The following TAF4 variants were observed in gnomAD, a reference collection of about 807,000 sequenced individuals.
TAF4 encodes transcription initiation factor TFIID subunit 4.
TAF4 carries 9 observed loss-of-function variants against 90.3 expected under a neutral mutation model. That is an observed-to-expected ratio of 0.10 (90% CI 0.06 to 0.17). The LOEUF (loss-of-function observed/expected upper bound fraction) is 0.17, where lower values mean the gene tolerates loss of function less well. Ranked by LOEUF, TAF4 falls within the 10% of genes least tolerant of loss-of-function variation. TAF4 has a pLI of 1.00. For missense variants in TAF4, 1,351 were observed against 1,370.7 expected (o/e 0.99, Z 0.23); for synonymous variants, 818 against 638.9 (o/e 1.28, Z -4.23).
chr20:61,987,015 G>T (rs1170914433), intron 14 of TAF4, among the ~76,000 whole-genome samples: 1 of 152,194 alleles, frequency 6.6e-6, no homozygotes, highest in Non-Finnish European at 1.5e-5. Context: ...TAATTACACA[G>T]AGAAAAAGAG....
At chr20:62,031,199 A>T (rs2055902354) in intron 1 of TAF4, among the ~76,000 whole-genome samples, 1 of 151,864 alleles carries the variant, frequency 6.6e-6, no homozygotes, top group South Asian at 2.1e-4. Context: ...GACTTCACTG[A>T]CTCCCTCTTT....
At chr20:62,023,684 G>C (rs1269193651) in intron 1 of TAF4, among the ~76,000 whole-genome samples, 1 of 142,894 alleles carries the variant, frequency 7.0e-6, no homozygotes, top group Non-Finnish European at 1.5e-5. Flanking sequence ...GGAGGTGGAG[G>C]TTGCAGTGAG....
intron 1 of TAF4, among the ~76,000 whole-genome samples, chr20:62,051,481 C>A (rs530315254): frequency 2.6e-4 from 39 of 152,292 alleles, no homozygotes; most frequent in Admixed American, 8.5e-4. Flanking sequence ...CCAGGCTGCA[C>A]GTGCAGAGGG....
intron 14 of TAF4, among the ~76,000 whole-genome samples, chr20:61,981,919 G>A (rs867800071): frequency 1.4e-5 from 2 of 141,682 alleles, no homozygotes; most frequent in African/African-American, 2.7e-5. Context: ...CACCCCACCC[G>A]ATAGGAGACA....
rs910346324 is a variant in TAF4 at position 62,065,311 on chromosome 20, G to A, written c.500C>T (p.Ala167Val). Reference sequence around the variant, plus strand: ...CCCGGGGCCGGGGCCGGCGCGGGCGGCCAGCGCGGCGGGGCCGGCGGGCTT... The same window carrying A: ...CCCGGGGCCGGGGCCGGCGCGGGCGACCAGCGCGGCGGGGCCGGCGGGCTT... ...PAKPAGPAAL[A>V]ARAGPGPGPG... Residue 167 changes from alanine (A) to valine (V), a missense_variant, in exon 1 of 15, where the codon GCC (alanine) becomes GTC (valine). By Grantham distance (64) the Ala-to-Val change is moderately conservative. Transcript: ENST00000252996. 5.9e-5 allele frequency: 54 copies of A among 923,042 alleles called. No homozygotes were observed. Among genetic ancestry groups the A allele is most frequent in the Non-Finnish European group, 6.5e-5 (51 of 780,658 alleles). The allele number at this position is 923,042 out of a possible 1,614,324, so 57.2% of individuals were successfully genotyped here. A position where few individuals can be genotyped will look rare whatever the true frequency, so the allele number is the denominator to read the frequency against.
chr20:62,053,986 G>C (rs2056046042), intron 1 of TAF4, among the ~76,000 whole-genome samples: 1 of 152,256 alleles, frequency 6.6e-6, no homozygotes, highest in South Asian at 2.1e-4. Flanking sequence ...ACAGCCACCA[G>C]CTGGGGGGAG....
chr20:62,024,923 C>T (rs150561606), intron 1 of TAF4, among the ~76,000 whole-genome samples: 7 of 151,600 alleles, frequency 4.6e-5, no homozygotes, highest in African/African-American at 7.3e-5. Flanking sequence ...AGGTGGCAGA[C>T]GGATGCAAAT....
chr20:61,999,531 T>A (rs1278188314), intron 11 of TAF4, among the ~76,000 whole-genome samples: 1 of 152,204 alleles, frequency 6.6e-6, no homozygotes, highest in Non-Finnish European at 1.5e-5. Flanking sequence ...AGTGTTCATA[T>A]GTGACTGCTG....
intron 14 of TAF4, among the ~76,000 whole-genome samples, chr20:61,996,212 A>C (rs942388765): frequency 1.3e-5 from 2 of 151,204 alleles, no homozygotes; most frequent in East Asian, 3.9e-4. Flanking sequence ...TGTCTCTACG[A>C]AAAAAAAAGA....
At chr20:62,002,636 A>G (rs1740365) in intron 9 of TAF4, among the ~76,000 whole-genome samples, 39,545 of 152,056 alleles carry the variant, frequency 0.26, 6,793 homozygotes, top group African/African-American at 0.48. Flanking sequence ...GCCCACAGGC[A>G]CACACCACCA....
At chr20:62,051,206 C>T (rs986161328) in intron 1 of TAF4, among the ~76,000 whole-genome samples, 13 of 152,204 alleles carry the variant, frequency 8.5e-5, no homozygotes, top group African/African-American at 2.9e-4. Flanking sequence ...CCTGTGGGAC[C>T]GGCAGCCTTG....
chr20:62,043,618 C>A (rs2055976171), intron 1 of TAF4, among the ~76,000 whole-genome samples: 1 of 152,134 alleles, frequency 6.6e-6, no homozygotes, highest in African/African-American at 2.4e-5. Flanking sequence ...CACAGATGCA[C>A]CATTTTTCAT....
chr20:61,985,362 G>C (rs979143718), intron 14 of TAF4, among the ~76,000 whole-genome samples: 19 of 151,924 alleles, frequency 1.3e-4, no homozygotes, highest in African/African-American at 4.6e-4. Flanking sequence ...GAGGATTGCT[G>C]GAGTCTAGGA....
chr20:62,036,023 CT>C (rs574223714), intron 1 of TAF4, among the ~76,000 whole-genome samples: 51 of 134,152 alleles, frequency 3.8e-4, no homozygotes, highest in African/African-American at 1.0e-3. Flanking sequence ...AATCAAATTT[CT>C]TTTTTTTTTT....
chr20:62,004,608 TGA>T (rs2055732568), intron 7 of TAF4: 1 of 152,154 alleles, frequency 6.6e-6, no homozygotes, highest in Non-Finnish European at 1.5e-5. Context: ...ATTACAGGCA[TGA>T]GCTACCAAAC....
chr20:62,012,155 A>C (rs2055782727), intron 3 of TAF4: 1 of 152,302 alleles, frequency 6.6e-6, no homozygotes, highest in Non-Finnish European at 1.5e-5. Flanking sequence ...TCTAGAAACC[A>C]GCGGCCACCA....
intron 9 of TAF4, among the ~76,000 whole-genome samples, chr20:62,002,678 TTGAG>T (rs1311754315): frequency 6.6e-6 from 1 of 152,152 alleles, no homozygotes; most frequent in East Asian, 1.9e-4. Flanking sequence ...TTTGTTGTTG[TTGAG>T]TAAGGTTTTA....
chr20:61,976,967 G>C (rs2055498607), intron 14 of TAF4, among the ~76,000 whole-genome samples: 2 of 152,228 alleles, frequency 1.3e-5, no homozygotes, highest in Non-Finnish European at 1.5e-5. Context: ...CATAGCTGCT[G>C]CGTGCCAGCT....
At chr20:61,999,678 G>A (rs933988086) in intron 11 of TAF4, among the ~76,000 whole-genome samples, 3 of 152,232 alleles carry the variant, frequency 2.0e-5, no homozygotes, top group Non-Finnish European at 4.4e-5. Context: ...AGGCATAGAG[G>A]CTCATGCCTG....
Sources: allele counts gnomAD v4.1 joint callset (sites outside exome capture counted in the v4.1 genomes callset), GRCh38; gene constraint gnomAD v4.1.1; transcripts MANE v1.5; gene names NCBI Gene and HGNC (gene_info 2026-07-23, HGNC 2026-07-21).